Variants in CDH12 observed in about 807,000 individuals in gnomAD.
CDH12 encodes cadherin 12.
Under a neutral mutation model 74.1 loss-of-function variants are expected in CDH12, and 41 were observed. That is an observed-to-expected ratio of 0.55 (90% CI 0.43 to 0.72). CDH12 has a LOEUF of 0.72. Ranked by LOEUF, CDH12 falls within the 30% of genes least tolerant of loss-of-function variation. The probability of loss-of-function intolerance (pLI) is 0.00; values close to 1 mark genes in which losing one functional copy is unlikely to be tolerated. For missense variants in CDH12, 945 were observed against 977.2 expected, an observed-to-expected ratio of 0.97 and a Z score of 0.44; for synonymous variants, 399 against 355.0, an observed-to-expected ratio of 1.12 and a Z score of -1.39.
At chr5:21,897,607 G>A (rs573240618) in intron 6 of CDH12, among the ~76,000 whole-genome samples, 1 of 152,112 alleles carries the variant, frequency 6.6e-6, no homozygotes, top group Non-Finnish European at 1.5e-5. Flanking sequence ...AGCTCTAAAA[G>A]AATCCTAGAA....
intron 1 of CDH12, among the ~76,000 whole-genome samples, chr5:22,648,414 TTG>T (rs1333089258): frequency 2.0e-5 from 3 of 151,852 alleles, no homozygotes; most frequent in Non-Finnish European, 2.9e-5. Flanking sequence ...TAAATAGGTA[TTG>T]AAGAAACTGG....
At chr5:22,235,475 G>T (rs1339908938) in intron 3 of CDH12, among the ~76,000 whole-genome samples, 2 of 151,928 alleles carry the variant, frequency 1.3e-5, no homozygotes, top group African/African-American at 4.8e-5. Context: ...CAGATATTCG[G>T]GAGGCTGAGC....
At chr5:22,206,780 T>C (rs568329888) in intron 4 of CDH12, among the ~76,000 whole-genome samples, 1 of 150,716 alleles carries the variant, frequency 6.6e-6, no homozygotes, top group South Asian at 2.1e-4. Context: ...CACTGGTAGT[T>C]GATAACTTTG....
At position 21,802,394 on chromosome 5, in the gene CDH12, T is replaced by G; in HGVS notation, c.1029A>C (p.Ala343=). The G allele has an allele frequency of 6.2e-7, 1 of 1,613,762 alleles. No homozygotes were observed. Among genetic ancestry groups the G allele is most frequent in the Non-Finnish European group, 8.5e-7 (1 of 1,179,768 alleles). ...KKPLDFETKK[A]YTFKVEASNL... is the part of the protein sequence containing the mutation. Reference sequence around the variant, plus strand: ...TGGAAGCCTCAACTTTGAAAGTGTATGCCTTCTTTGTTTCAAAATCTAAAG... The same window carrying G: ...TGGAAGCCTCAACTTTGAAAGTGTAGGCCTTCTTTGTTTCAAAATCTAAAG... Residue 343 remains alanine (A), a synonymous_variant, in exon 10 of 15, where the codon GCA becomes GCC. Coordinates refer to ENST00000382254, the MANE Select transcript of CDH12 (RefSeq NM_004061.5).
chr5:22,771,667 A>T (rs1746812635), intron 1 of CDH12, among the ~76,000 whole-genome samples: 1 of 152,156 alleles, frequency 6.6e-6, no homozygotes, highest in South Asian at 2.1e-4. Flanking sequence ...TATAGTAAAA[A>T]TTATTTTAAA....
At chr5:21,896,772 T>C (rs1393063786) in intron 6 of CDH12, among the ~76,000 whole-genome samples, 1 of 152,202 alleles carries the variant, frequency 6.6e-6, no homozygotes, top group Non-Finnish European at 1.5e-5. Context: ...TTCCCAGATA[T>C]TTCAGAAAAA....
intron 3 of CDH12, among the ~76,000 whole-genome samples, chr5:22,325,959 T>A (rs1320888961): frequency 6.6e-6 from 1 of 151,948 alleles, no homozygotes; most frequent in East Asian, 1.9e-4. Context: ...ATAAAGCTAA[T>A]CAAAATAAAT....
At chr5:22,187,194 A>C (rs540444717) in intron 4 of CDH12, among the ~76,000 whole-genome samples, 5 of 152,184 alleles carry the variant, frequency 3.3e-5, no homozygotes, top group African/African-American at 4.8e-5. Flanking sequence ...GTAATAGACC[A>C]GTCTCTGGCA....
chr5:22,025,051 T>C (rs1198541103), intron 5 of CDH12, among the ~76,000 whole-genome samples: 1 of 152,148 alleles, frequency 6.6e-6, no homozygotes, highest in Non-Finnish European at 1.5e-5. Flanking sequence ...CTATGATGCC[T>C]AATAATAAAA....
intron 7 of CDH12, among the ~76,000 whole-genome samples, chr5:21,846,196 G>T (rs1458867152): frequency 1.3e-5 from 2 of 152,146 alleles, no homozygotes; most frequent in East Asian, 3.9e-4. Context: ...TATGCAAACA[G>T]TACACCTGGT....
intron 5 of CDH12, among the ~76,000 whole-genome samples, chr5:22,033,000 T>C (rs1580143451): frequency 1.4e-5 from 2 of 139,898 alleles, no homozygotes; most frequent in African/African-American, 2.7e-5. Context: ...AAAATATTCT[T>C]ACCACAGCCA....
At chr5:22,359,790 T>G (rs567383379) in intron 3 of CDH12, among the ~76,000 whole-genome samples, 4 of 151,918 alleles carry the variant, frequency 2.6e-5, no homozygotes, top group African/African-American at 9.7e-5. Context: ...TCAAAACCAC[T>G]CAACTACATG....
intron 6 of CDH12, among the ~76,000 whole-genome samples, chr5:21,927,514 C>T (rs1358082711): frequency 6.6e-6 from 1 of 151,978 alleles, no homozygotes; most frequent in Non-Finnish European, 1.5e-5. Flanking sequence ...TCACTTGAAC[C>T]CGGGAGGCGG....
intron 3 of CDH12, among the ~76,000 whole-genome samples, chr5:22,312,091 C>A (rs747667604): frequency 2.2e-4 from 34 of 151,798 alleles, no homozygotes; most frequent in Non-Finnish European, 4.1e-4. Context: ...ACACTACGCT[C>A]GATTTAGAAG....
At chr5:21,879,118 G>A (rs537547117) in intron 6 of CDH12, among the ~76,000 whole-genome samples, 3 of 152,194 alleles carry the variant, frequency 2.0e-5, no homozygotes, top group Non-Finnish European at 2.9e-5. Context: ...CTCAAGAGTG[G>A]CTGGTATGAT....
Position 22,085,874 on chromosome 5 carries a change from T to C in CDH12, c.-186-7012A>G, listed in dbSNP as rs576252600. Among the ~76,000 whole-genome samples, 9 of 152,346 alleles carry C rather than the reference T, an allele frequency of 5.9e-5. No homozygotes were observed. The East Asian group carries it at 1.7e-3, about 29-fold the overall frequency. On this transcript the variant is annotated intron_variant, in intron 4 of 14. Transcript: ENST00000382254. ...TGAAATGCATTATAATCAGTAAATA[T>C]TTAAAGACTTCAAGCAAATCTGATA...
intron 5 of CDH12, among the ~76,000 whole-genome samples, chr5:22,074,860 T>A (rs1422405734): frequency 6.6e-6 from 1 of 152,052 alleles, no homozygotes; most frequent in East Asian, 1.9e-4. Context: ...ACACTGTTGG[T>A]GGGACTGTAA....
chr5:22,044,975 A>C (rs1311239853), intron 5 of CDH12, among the ~76,000 whole-genome samples: 1 of 152,212 alleles, frequency 6.6e-6, no homozygotes, highest in Non-Finnish European at 1.5e-5. Context: ...AGCAAATGAA[A>C]CAATAGAATG....
chr5:22,812,283 G>T (rs1055897078), intron 1 of CDH12, among the ~76,000 whole-genome samples: 2 of 152,152 alleles, frequency 1.3e-5, no homozygotes, highest in Admixed American at 1.3e-4. Context: ...ATAAGAATTA[G>T]ATGGGAATAT....
Sources: gnomAD v4.1 joint callset for allele counts (sites outside exome capture counted in the v4.1 genomes callset) on GRCh38, gnomAD v4.1.1 for gene constraint, MANE v1.5 for transcripts, NCBI Gene and HGNC (gene_info 2026-07-23, HGNC 2026-07-21) for gene names.